ANAPC16: variants seen among roughly 807,000 people sequenced by gnomAD.
ANAPC16 encodes the protein anaphase-promoting complex subunit 16.
A neutral mutation model predicts 13.1 loss-of-function variants in ANAPC16; 6 were observed. The observed-to-expected ratio is 0.46, with a 90% confidence interval of 0.25 to 0.90. The LOEUF (loss-of-function observed/expected upper bound fraction) is 0.90, where lower values mean the gene tolerates loss of function less well. ANAPC16 is among the 40% of genes least tolerant of loss of function. The pLI is 0.18. For synonymous variants in ANAPC16, 55 were observed against 51.3 expected, an observed-to-expected ratio of 1.07 and a Z score of -0.31; for missense variants, 113 against 131.1, an observed-to-expected ratio of 0.86 and a Z score of 0.67.
At chr10:72,229,690 A>T (rs1200331234) in intron 2 of ANAPC16, among the ~76,000 whole-genome samples, 1 of 152,180 alleles carries the variant, frequency 6.6e-6, no homozygotes, top group Non-Finnish European at 1.5e-5. Flanking sequence ...CTTATGTTTC[A>T]TGATCATCTT....
chr10:72,226,677 AAAAAG>A (rs1410060613), intron 2 of ANAPC16, among the ~76,000 whole-genome samples: 59 of 152,176 alleles, frequency 3.9e-4, no homozygotes, highest in Non-Finnish European at 5.6e-4. Flanking sequence ...TCAAAAAAAA[AAAAAG>A]AAAAGAAAAG....
Position 72,230,816 on chromosome 10 carries a change from G to A in ANAPC16, c.217+376G>A, listed in dbSNP as rs147169298. ...TGAGGTGGGAAGATCACTTGAGCCCGGGAGGTTGAGGCTGCAATGAGCCGG... is the reference window on the plus strand; with the variant it reads ...TGAGGTGGGAAGATCACTTGAGCCCAGGAGGTTGAGGCTGCAATGAGCCGG... On this transcript the variant is annotated intron_variant, in intron 3 of 3. Transcript: ENST00000299381. 7.5e-3 allele frequency among the ~76,000 whole-genome samples: 1,137 copies of A among 152,042 alleles called. 10 individuals are homozygous for A. The highest frequency in any genetic ancestry group is 0.026 in the African/African-American group (1,071 of 41,462).
At chr10:72,225,112 C>T (rs1860078880) in intron 2 of ANAPC16, among the ~76,000 whole-genome samples, 1 of 151,920 alleles carries the variant, frequency 6.6e-6, no homozygotes, top group African/African-American at 2.4e-5. Context: ...GGTGAAACCC[C>T]ATCTCTACTA....
rs551775751 is a variant in ANAPC16, at chr10:72,233,808, A to C, written c.*692A>C. 2.1e-4 allele frequency: 32 copies of C among 152,724 alleles called. No individual in the cohort carries two copies. The highest frequency in any genetic ancestry group is 7.7e-4 in the African/African-American group (32 of 41,568). 9.5% of individuals were successfully genotyped at this position (152,724 alleles called of 1,614,324 possible). A position where few individuals can be genotyped will look rare whatever the true frequency, so the allele number is the denominator to read the frequency against. ...GACTCAAGCAATTCTGTAGCAAATA[A>C]ATCCTTTGAAAGAGCTCCAAATTGG... On this transcript the variant is annotated 3_prime_UTR_variant, in exon 4 of 4. Transcript: ENST00000299381.
intron 2 of ANAPC16, among the ~76,000 whole-genome samples, chr10:72,224,262 A>T (rs1860044917): frequency 6.6e-6 from 1 of 152,258 alleles, no homozygotes; most frequent in East Asian, 1.9e-4. Flanking sequence ...TTGGAAATCA[A>T]TGAAGTCATC....
chr10:72,222,074 G>A (rs968896608), intron 1 of ANAPC16, among the ~76,000 whole-genome samples: 1 of 151,238 alleles, frequency 6.6e-6, no homozygotes, highest in African/African-American at 2.4e-5. Context: ...AGGGCTGAGC[G>A]CAGTGAGACT....
chr10:72,229,548 C>T (rs1207419052), intron 2 of ANAPC16, among the ~76,000 whole-genome samples: 1 of 152,078 alleles, frequency 6.6e-6, no homozygotes, highest in Non-Finnish European at 1.5e-5. Flanking sequence ...TTAGGATTTT[C>T]GCAATAAGGT....
intron 3 of ANAPC16, among the ~76,000 whole-genome samples, chr10:72,232,330 AGGT>A (rs1250860182): frequency 2.0e-5 from 3 of 151,792 alleles, no homozygotes; most frequent in East Asian, 3.9e-4. Context: ...AGATCACCTG[AGGT>A]CAGGAGTTCG....
chr10:72,220,241 A>AT (rs1859853830), intron 1 of ANAPC16: 2 of 151,440 alleles, frequency 1.3e-5, no homozygotes, highest in Admixed American at 6.6e-5. Context: ...AAGCAGGAGA[A>AT]TCGCTTAAAT....
At position 72,229,710 on chromosome 10, in the gene ANAPC16, G is replaced by A. The variant is rs193200199; in HGVS notation, c.143-656G>A. Among the ~76,000 whole-genome samples the A allele has an allele frequency of 2.5e-3, 375 of 152,248 alleles. 2 individuals carry two copies. The highest frequency in any genetic ancestry group is 3.1e-3 in the Non-Finnish European group (210 of 68,024). ...GTTTCATGATCATCTTCCAAGTGCT[G>A]TGGCAACTGAGTTGGCCACTTCTTG... On this transcript the variant is annotated intron_variant, in intron 2 of 3. Coordinates refer to ENST00000299381, the MANE Select transcript of ANAPC16 (RefSeq NM_173473.4).
chr10:72,231,275 T>C (rs975831957), intron 3 of ANAPC16, among the ~76,000 whole-genome samples: 2 of 152,074 alleles, frequency 1.3e-5, no homozygotes, highest in Non-Finnish European at 2.9e-5. Flanking sequence ...CAGTAGCTCA[T>C]GCCTCTAATC....
At chr10:72,223,758 G>GT in intron 1 of ANAPC16, 130 bp from the exon 2 acceptor site, 1 of 651,640 alleles carries the variant, frequency 1.5e-6, no homozygotes, top group Non-Finnish European at 2.4e-6. Context: ...TATTGTGAAA[G>GT]TAGAGAGCAT....
At chr10:72,228,000 C>G (rs1444807485) in intron 2 of ANAPC16, among the ~76,000 whole-genome samples, 3 of 151,262 alleles carry the variant, frequency 2.0e-5, no homozygotes, top group African/African-American at 7.3e-5. Context: ...CACTGCCCCC[C>G]AGCCTGGGCG....
At chr10:72,222,106 A>G (rs1161884575) in intron 1 of ANAPC16, among the ~76,000 whole-genome samples, 4 of 151,624 alleles carry the variant, frequency 2.6e-5, no homozygotes, top group African/African-American at 9.7e-5. Flanking sequence ...CGGTGGGAGA[A>G]TCACTTGAGA....
chr10:72,232,927 A>G lies in ANAPC16; in HGVS notation c.218-74A>G, dbSNP rs73276927. 6.0e-3 allele frequency: 7,279 copies of G among 1,205,038 alleles called. 361 individuals carry two copies. In the African/African-American group the frequency reaches 0.097, roughly 16 times the overall value. The allele number at this position is 1,205,038 out of a possible 1,614,324, so 74.6% of individuals were successfully genotyped here. On this transcript the variant is annotated intron_variant, in intron 3 of 3. Transcript: ENST00000299381. ...CCTAGAAATTATTTTTATACCAGTCATCATCTTGGTGGCTGGTGGCAGTCT... is the reference window on the plus strand; with the variant it reads ...CCTAGAAATTATTTTTATACCAGTCGTCATCTTGGTGGCTGGTGGCAGTCT...
chr10:72,221,229 CTT>C (rs1372253554), intron 1 of ANAPC16, among the ~76,000 whole-genome samples: 1 of 152,088 alleles, frequency 6.6e-6, no homozygotes, highest in Admixed American at 6.6e-5. Flanking sequence ...TTTTGAAGTC[CTT>C]TCTTTTAATT....
In ANAPC16 at chr10:72,224,013, A is replaced by G. The variant is rs1253094533; in HGVS notation, c.99A>G (p.Lys33=). 2.5e-6 allele frequency: 4 copies of G among 1,611,994 alleles called. No individual in the cohort carries two copies. Among genetic ancestry groups the G allele is most frequent in the Non-Finnish European group, 3.4e-6 (4 of 1,178,368 alleles). The part of the protein sequence containing the change: ...FSVSDLAPPR[K]ALFTYPKGAG... Reference sequence around the variant, plus strand: ...TCTCAGACCTTGCCCCACCACGGAAAGCCCTTTTCACCTACCCCAAAGGAG... The same window carrying G: ...TCTCAGACCTTGCCCCACCACGGAAGGCCCTTTTCACCTACCCCAAAGGAG... Residue 33 remains lysine, a synonymous_variant, in exon 2 of 4, where the codon AAA becomes AAG. Transcript: ENST00000299381.
rs1283149461 is a variant in ANAPC16 at position 72,230,364 on chromosome 10, A to G, written c.143-2A>G. On this transcript the variant is annotated splice_acceptor_variant, in intron 2 of 3. Coordinates refer to ENST00000299381, the MANE Select transcript of ANAPC16 (RefSeq NM_173473.4). LOFTEE classifies it high-confidence loss of function. ...TAAAACCTTTTCTCCTTTTGTTTGT[A>G]GATGGCTCTGAGAGATTCCTCTGCG... 2 of 1,613,664 alleles carry G rather than the reference A, an allele frequency of 1.2e-6. No individual in the cohort carries two copies. Among genetic ancestry groups the G allele is most frequent in the South Asian group, 2.2e-5 (2 of 91,074 alleles).
At chr10:72,225,728 C>T (rs1860099655) in intron 2 of ANAPC16, among the ~76,000 whole-genome samples, 1 of 151,960 alleles carries the variant, frequency 6.6e-6, no homozygotes, top group Admixed American at 6.6e-5. Context: ...GGTGAAACCC[C>T]GTCTCTACTA....
Sources: gnomAD v4.1 joint callset for allele counts (sites outside exome capture counted in the v4.1 genomes callset) on GRCh38, gnomAD v4.1.1 for gene constraint, MANE v1.5 for transcripts, NCBI Gene and HGNC (gene_info 2026-07-23, HGNC 2026-07-21) for gene names.